The following ST3GAL3 variants were observed in gnomAD, a reference collection of about 807,000 sequenced individuals.
ST3GAL3 encodes the protein CMP-N-acetylneuraminate-beta-1,4-galactoside alpha-2,3-sialyltransferase.
ST3GAL3 carries 21 observed loss-of-function variants against 50.1 expected under a neutral mutation model. That is an observed-to-expected ratio of 0.42 (90% confidence interval 0.30 to 0.60). ST3GAL3 has a LOEUF of 0.60. Ranked by LOEUF, ST3GAL3 falls within the 20% of genes least tolerant of loss-of-function variation. The pLI, the probability that ST3GAL3 is intolerant of heterozygous loss-of-function variation, is 0.19. For synonymous variants in ST3GAL3, 183 were observed against 190.0 expected (o/e 0.96, Z 0.30); for missense variants, 353 against 489.4 (o/e 0.72, Z 2.63).
At chr1:43,906,537 A>C (rs1216410412) in intron 9 of ST3GAL3, among the ~76,000 whole-genome samples, 534 of 29,738 alleles carry the variant, frequency 0.018, no homozygotes, top group Admixed American at 0.025. Context: ...TCTTCCTGCC[A>C]CTCTTCCTCC....
chr1:43,898,125 C>T (rs2077657841), intron 6 of ST3GAL3, 110 bp from the exon 7 acceptor site: 2 of 1,176,826 alleles, frequency 1.7e-6, no homozygotes, highest in Non-Finnish European at 1.2e-6. Context: ...TCTCCACTTC[C>T]ACTTTCACTC....
chr1:43,796,496 C>T (rs1444163313), intron 3 of ST3GAL3, among the ~76,000 whole-genome samples: 11 of 152,128 alleles, frequency 7.2e-5, no homozygotes, highest in Non-Finnish European at 1.6e-4. Flanking sequence ...TGCCCAAGTC[C>T]CAGACTGGAT....
At chr1:43,881,469 G>C (rs1320619676) in intron 5 of ST3GAL3, among the ~76,000 whole-genome samples, 2 of 152,252 alleles carry the variant, frequency 1.3e-5, no homozygotes, top group Non-Finnish European at 2.9e-5. Context: ...CCATCAACCA[G>C]GCTCTTCCTG....
intron 5 of ST3GAL3, among the ~76,000 whole-genome samples, chr1:43,854,528 T>G (rs1446068144): frequency 6.6e-6 from 1 of 152,202 alleles, no homozygotes; most frequent in African/African-American, 2.4e-5. Flanking sequence ...CCTTAAATGT[T>G]GATGTTTGCC....
At chr1:43,755,630 G>C (rs560165745) in intron 2 of ST3GAL3, among the ~76,000 whole-genome samples, 193 of 152,284 alleles carry the variant, frequency 1.3e-3, no homozygotes, top group African/African-American at 4.4e-3. Flanking sequence ...CAAATGATAT[G>C]CAGTTGTTAG....
chr1:43,911,919 A>C (rs1251761679), intron 9 of ST3GAL3: 2 of 152,156 alleles, frequency 1.3e-5, no homozygotes, highest in Non-Finnish European at 2.9e-5. Flanking sequence ...CAAACTCGTC[A>C]GTTCAAGTGA....
At chr1:43,719,752 G>A (rs1669409464) in intron 1 of ST3GAL3, among the ~76,000 whole-genome samples, 1 of 151,456 alleles carries the variant, frequency 6.6e-6, no homozygotes, top group Non-Finnish European at 1.5e-5. Flanking sequence ...GGCCAACATG[G>A]CGAAAGCCCG....
chr1:43,733,200 C>T (rs967012721), intron 1 of ST3GAL3, among the ~76,000 whole-genome samples: 3 of 152,128 alleles, frequency 2.0e-5, no homozygotes, highest in Non-Finnish European at 4.4e-5. Context: ...CTCATCTCAT[C>T]ATCTTGCCCA....
At chr1:43,767,144 A>C (rs1693378214) in intron 2 of ST3GAL3, among the ~76,000 whole-genome samples, 1 of 152,218 alleles carries the variant, frequency 6.6e-6, no homozygotes, top group Non-Finnish European at 1.5e-5. Context: ...CAATAGCCAC[A>C]GCACTTCACC....
intron 1 of ST3GAL3, among the ~76,000 whole-genome samples, chr1:43,730,386 C>G (rs1425335873): frequency 6.6e-6 from 1 of 151,974 alleles, no homozygotes; most frequent in Non-Finnish European, 1.5e-5. Flanking sequence ...ACTTCTGCCC[C>G]CTTCTAAAAG....
Position 43,930,634 on chromosome 1 carries a change from G to A in ST3GAL3, c.*413G>A, listed in dbSNP as rs191309321. On this transcript the variant is annotated 3_prime_UTR_variant, in exon 12 of 12. Coordinates refer to ENST00000347631, the MANE Select transcript of ST3GAL3 (RefSeq NM_006279.5). ...CAAGTTGGGTTCACTTGCCATGCAG[G>A]AAGAGGCCCACTAGAGGGCCCATCA... 6.0e-4 allele frequency: 201 copies of A among 335,042 alleles called. 4 individuals are homozygous for A. The East Asian group carries it at 0.011, about 18-fold the overall frequency. The allele number at this position is 335,042 out of a possible 1,614,324, so 20.8% of individuals were successfully genotyped here. A position where few individuals can be genotyped will look rare whatever the true frequency, so the allele number is the denominator to read the frequency against.
intron 6 of ST3GAL3, among the ~76,000 whole-genome samples, chr1:43,897,529 C>G (rs2077564998): frequency 6.6e-6 from 1 of 152,130 alleles, no homozygotes; most frequent in East Asian, 1.9e-4. Context: ...GAAGAGCAGT[C>G]CTTATTGCCA....
chr1:43,790,510 T>C (rs1006520505), intron 2 of ST3GAL3, among the ~76,000 whole-genome samples: 17 of 152,144 alleles, frequency 1.1e-4, no homozygotes, highest in Non-Finnish European at 1.9e-4. Context: ...TTTATTGAAC[T>C]CTATGTTTAA....
At chr1:43,719,121 A>G (rs1227776665) in intron 1 of ST3GAL3, 2 of 152,254 alleles carry the variant, frequency 1.3e-5, no homozygotes, top group Non-Finnish European at 2.9e-5. Context: ...CTCATCTTGC[A>G]GGAGTCTGGA....
chr1:43,768,053 T>C (rs1693760694), intron 2 of ST3GAL3, among the ~76,000 whole-genome samples: 1 of 151,594 alleles, frequency 6.6e-6, no homozygotes, highest in Admixed American at 6.6e-5. Context: ...GAAAAAAAAA[T>C]ACAGAGGATC....
intron 3 of ST3GAL3, among the ~76,000 whole-genome samples, chr1:43,813,860 G>GACACAC (rs57947852): frequency 1.4e-5 from 2 of 144,530 alleles, no homozygotes; most frequent in Non-Finnish European, 1.5e-5. Context: ...TTTTTGGCTA[G>GACACAC]ACACACACAC....
chr1:43,721,029 T>G (rs1398783912), intron 1 of ST3GAL3, among the ~76,000 whole-genome samples: 1 of 152,088 alleles, frequency 6.6e-6, no homozygotes, highest in African/African-American at 2.4e-5. Context: ...GAGGATTGCT[T>G]GAGGCCAGGA....
In ST3GAL3 at chr1:43,860,356, A is replaced by G. The variant is rs559406236; in HGVS notation, c.302+22045A>G. 2.0e-5 allele frequency among the ~76,000 whole-genome samples: 3 copies of G among 152,334 alleles called. No homozygotes were observed. In the South Asian group the frequency reaches 6.2e-4, roughly 32 times the overall value. On this transcript the variant is annotated intron_variant, in intron 5 of 11. Coordinates refer to ENST00000347631, the MANE Select transcript of ST3GAL3 (RefSeq NM_006279.5). ...GGCTGTGGGGAAAGATAGCTCATCC[A>G]GGAGGCCTGGGCTCCTGACGCAGCC...
At chr1:43,838,144 A>C in intron 4 of ST3GAL3, 75 bp from the exon 5 acceptor site, 1 of 732,072 alleles carries the variant, frequency 1.4e-6, no homozygotes, top group Non-Finnish European at 2.3e-6. Flanking sequence ...TTAAACACCT[A>C]CAGCTCCTTA....
Sources: allele counts gnomAD v4.1 joint callset (sites outside exome capture counted in the v4.1 genomes callset), GRCh38; gene constraint gnomAD v4.1.1; transcripts MANE v1.5; gene names NCBI Gene and HGNC (gene_info 2026-07-23, HGNC 2026-07-21).